RGS7: variants seen among roughly 807,000 people sequenced by gnomAD.
RGS7 encodes regulator of G-protein signaling 7.
In RGS7, 27 loss-of-function variants were observed where a neutral mutation model predicts 81.1. The observed-to-expected ratio is 0.33, with a 90% CI of 0.25 to 0.46. The LOEUF (loss-of-function observed/expected upper bound fraction) is 0.46. Ranked by LOEUF, RGS7 falls within the 20% of genes least tolerant of loss-of-function variation. The probability of loss-of-function intolerance (pLI) is 1.00; values close to 1 mark genes in which losing one functional copy is unlikely to be tolerated. For missense variants in RGS7, 396 were observed against 607.4 expected (o/e 0.65, Z 3.66); for synonymous variants, 208 against 207.7 (o/e 1.00, Z -0.01).
chr1:241,096,673 T>C (rs1216219196), intron 3 of RGS7, among the ~76,000 whole-genome samples: 1 of 152,254 alleles, frequency 6.6e-6, no homozygotes, highest in Non-Finnish European at 1.5e-5. Flanking sequence ...AAAATCTTAA[T>C]GTTGTCAACC....
chr1:241,178,210 T>C (rs1428025485), intron 2 of RGS7, among the ~76,000 whole-genome samples: 1 of 152,198 alleles, frequency 6.6e-6, no homozygotes, highest in East Asian at 1.9e-4. Context: ...GAGGATAACT[T>C]GAGCCCAGGC....
At chr1:241,312,571 C>G (rs1301911842) in intron 2 of RGS7, among the ~76,000 whole-genome samples, 1 of 152,006 alleles carries the variant, frequency 6.6e-6, no homozygotes, top group Non-Finnish European at 1.5e-5. Context: ...TTTTAGGGTA[C>G]CAAAACCCAC....
intron 2 of RGS7, among the ~76,000 whole-genome samples, chr1:241,213,509 TTAGTGCTC>T (rs753209210): frequency 6.6e-6 from 1 of 152,220 alleles, no homozygotes; most frequent in Non-Finnish European, 1.5e-5. Context: ...TGTGGAATTT[TTAGTGCTC>T]TTTTTTGTAT....
intron 3 of RGS7, among the ~76,000 whole-genome samples, chr1:240,999,252 T>A (rs752045221): frequency 7.3e-5 from 11 of 150,994 alleles, no homozygotes. Context: ...ATTATTATTA[T>A]TAAATAATTT....
intron 6 of RGS7, among the ~76,000 whole-genome samples, chr1:240,901,873 C>T (rs532987470): frequency 5.9e-5 from 9 of 152,306 alleles, no homozygotes; most frequent in South Asian, 2.1e-4. Context: ...ATTCATTCTT[C>T]GTTTCTCACA....
At position 241,271,004 on chromosome 1, in the gene RGS7, G is replaced by A. The variant is rs1042936284; in HGVS notation, c.78+84695C>T. Among the ~76,000 whole-genome samples, 3 of 152,074 alleles carry A rather than the reference G, an allele frequency of 2.0e-5. No homozygotes were observed. The highest frequency in any genetic ancestry group is 2.9e-5 in the Non-Finnish European group (2 of 68,032). On this transcript the variant is annotated intron_variant, in intron 2 of 18. Transcript: ENST00000440928. This position sits in a 1 kb window ranked among gnomAD's most constrained non-coding sequence, Gnocchi z 4.6. ...AATCTCCTGACCTCGTGATCCGCCC[G>A]TCTCAGCCTCCCAAAGTGCTGGGAT...
intron 2 of RGS7, among the ~76,000 whole-genome samples, chr1:241,252,064 GAC>G (rs760219362): frequency 6.8e-6 from 1 of 147,768 alleles, no homozygotes; most frequent in Non-Finnish European, 1.5e-5. Flanking sequence ...TTTTTTTTGA[GAC>G]AGAGTCTCAC....
rs867741856 is a variant in RGS7 at position 240,916,074 on chromosome 1, C to A, written c.385+14643G>T. Among the ~76,000 whole-genome samples, 3 of 145,394 alleles carry A rather than the reference C, an allele frequency of 2.1e-5. 1 individual carries two copies. The highest frequency in any genetic ancestry group is 3.5e-3 in the Middle Eastern group (1 of 282). On this transcript the variant is annotated intron_variant, in intron 6 of 18. Transcript: ENST00000440928. ...GGCCAGGAGTTCAAGACCAGCCTGG[C>A]CAACATGGTGAAACCCTGTGTCTAC...
chr1:240,839,308 T>TGC (rs1416356373), intron 9 of RGS7, among the ~76,000 whole-genome samples: 2 of 152,204 alleles, frequency 1.3e-5, no homozygotes, highest in Non-Finnish European at 2.9e-5. Flanking sequence ...GGGTCTCACA[T>TGC]TTTAGCGAAT....
At chr1:240,907,538 A>T (rs1671023009) in intron 6 of RGS7, among the ~76,000 whole-genome samples, 1 of 151,890 alleles carries the variant, frequency 6.6e-6, no homozygotes, top group African/African-American at 2.4e-5. Flanking sequence ...TTCATGAAAG[A>T]ATTTTTTTTG....
At chr1:241,244,722 A>G (rs1273821855) in intron 2 of RGS7, among the ~76,000 whole-genome samples, 1 of 152,076 alleles carries the variant, frequency 6.6e-6, no homozygotes, top group African/African-American at 2.4e-5. Flanking sequence ...TCCAACAATG[A>G]TAGACTGGAT....
chr1:241,141,593 G>A (rs996842141), intron 2 of RGS7, among the ~76,000 whole-genome samples: 16 of 152,118 alleles, frequency 1.1e-4, no homozygotes, highest in Non-Finnish European at 1.3e-4. Flanking sequence ...AAGCAAAGGC[G>A]GAAAAGTCCC....
At chr1:240,941,500 A>G (rs1293389223) in intron 4 of RGS7, among the ~76,000 whole-genome samples, 3 of 152,216 alleles carry the variant, frequency 2.0e-5, no homozygotes, top group African/African-American at 7.2e-5. Flanking sequence ...ATCAATGAAC[A>G]AGGACATTTA....
intron 2 of RGS7, among the ~76,000 whole-genome samples, chr1:241,255,748 G>T (rs1335906806): frequency 6.6e-6 from 1 of 152,124 alleles, no homozygotes; most frequent in Non-Finnish European, 1.5e-5. Context: ...GGAATTCAGA[G>T]AATTCTGAAT....
At chr1:241,108,111 T>C (rs2065248848) in intron 2 of RGS7, among the ~76,000 whole-genome samples, 1 of 149,064 alleles carries the variant, frequency 6.7e-6, no homozygotes, top group Non-Finnish European at 1.5e-5. Context: ...TGGTGAAAGC[T>C]TGGCCAACAT....
intron 2 of RGS7, among the ~76,000 whole-genome samples, chr1:241,267,070 C>T (rs7538854): frequency 0.29 from 43,794 of 152,054 alleles, 6,545 homozygotes; most frequent in African/African-American, 0.35. Context: ...GAGACCTCTG[C>T]CTTCTAACCA....
chr1:241,354,216 T>G (rs753783315), intron 2 of RGS7, among the ~76,000 whole-genome samples: 2 of 152,142 alleles, frequency 1.3e-5, no homozygotes, highest in Non-Finnish European at 2.9e-5. Context: ...TATGACTTAT[T>G]TGAAACCACC....
In RGS7 at chr1:240,870,080, C is replaced by A; in HGVS notation, c.425G>T (p.Arg142Leu). 1 of 1,614,040 alleles carries A rather than the reference C, an allele frequency of 6.2e-7. No individual in the cohort carries two copies. Among genetic ancestry groups the A allele is most frequent in the South Asian group, 1.1e-5 (1 of 91,060 alleles). Residue 142 changes from arginine (R) to leucine (L), a missense_variant, in exon 7 of 19, where the codon CGA (arginine) becomes CTA (leucine). Arg to Leu is a moderately radical substitution (Grantham distance 102, BLOSUM62 -2). Transcript: ENST00000440928. ...AGCCTCATAGTCTGCGAGCTCCAGT[C>A]GTGCCTTGTTTTGCATTGTTCTCTT... ...LCKRTMQNKA[R>L]LELADYEAES...
At chr1:240,782,103 C>G (rs776838635) in intron 18 of RGS7, among the ~76,000 whole-genome samples, 1 of 152,054 alleles carries the variant, frequency 6.6e-6, no homozygotes, top group Non-Finnish European at 1.5e-5. Flanking sequence ...GGAAGATTTA[C>G]ACTTGGATCT....
Sources: gnomAD v4.1 joint callset for allele counts (sites outside exome capture counted in the v4.1 genomes callset) on GRCh38, gnomAD v4.1.1 for gene constraint, Gnocchi (gnomAD v3.1) non-coding constraint, MANE v1.5 for transcripts, NCBI Gene and HGNC (gene_info 2026-07-23, HGNC 2026-07-21) for gene names.